Variants in MACROD2 observed in about 807,000 individuals in gnomAD.
The protein encoded by MACROD2 is ADP-ribose glycohydrolase MACROD2.
A neutral mutation model predicts 70.4 loss-of-function variants in MACROD2; 36 were observed. The ratio of observed to expected loss-of-function variants is 0.51; its 90% confidence interval spans 0.39 to 0.68. The LOEUF is 0.68. Ranked by LOEUF, MACROD2 falls within the 30% of genes least tolerant of loss-of-function variation. MACROD2 has a pLI of 0.00. For synonymous variants in MACROD2, 172 were observed against 178.8 expected (o/e 0.96, Z 0.30); for missense variants, 496 against 538.4 (o/e 0.92, Z 0.78).
chr20:15,740,080 C>G (rs1449163216), intron 8 of MACROD2, among the ~76,000 whole-genome samples: 1 of 152,182 alleles, frequency 6.6e-6, no homozygotes, highest in Admixed American at 6.5e-5. Context: ...GGGAGCTCTG[C>G]TGCACACAAT....
rs77589650 is a variant in MACROD2, at chr20:14,746,228, C to T, written c.418+61269C>T. Among the ~76,000 whole-genome samples, 100 of 152,280 alleles carry T rather than the reference C, an allele frequency of 6.6e-4. 1 individual carries two copies. In the East Asian group the frequency reaches 0.018, roughly 28 times the overall value. ...CAACTTTTCACTACCAGGAATTTCC[C>T]TTTACCTCTTGACAGAGGAACTCCT... On this transcript the variant is annotated intron_variant, in intron 5 of 17. Transcript: ENST00000684519.
rs557880270 is a variant in MACROD2, at chr20:14,413,014, G to A, written c.272-80465G>A. ...AGCTCCTAGGAGACTTGAAACCAGTGGCAGAGTCTCAGGCCCTGTGGGATG... is the reference window on the plus strand; with the variant it reads ...AGCTCCTAGGAGACTTGAAACCAGTAGCAGAGTCTCAGGCCCTGTGGGATG... On this transcript the variant is annotated intron_variant, in intron 3 of 17. Coordinates refer to ENST00000684519, the MANE Select transcript of MACROD2 (RefSeq NM_001351661.2). 3.9e-5 allele frequency among the ~76,000 whole-genome samples: 6 copies of A among 152,236 alleles called. No individual in the cohort carries two copies. The South Asian group carries it at 1.2e-3, about 32-fold the overall frequency.
At chr20:15,872,387 T>C (rs2064598836) in intron 9 of MACROD2, among the ~76,000 whole-genome samples, 2 of 152,130 alleles carry the variant, frequency 1.3e-5, no homozygotes, top group East Asian at 1.9e-4. Flanking sequence ...AGGTAGCAAT[T>C]GTCTAATAAT....
chr20:15,541,110 A>G (rs1432534960), intron 8 of MACROD2, among the ~76,000 whole-genome samples: 1 of 152,210 alleles, frequency 6.6e-6, no homozygotes, highest in Non-Finnish European at 1.5e-5. Flanking sequence ...ATACACAAAG[A>G]TAAACCAGTG....
At chr20:14,398,322 C>T (rs961362385) in intron 3 of MACROD2, among the ~76,000 whole-genome samples, 2 of 150,920 alleles carry the variant, frequency 1.3e-5, no homozygotes, top group African/African-American at 4.9e-5. Flanking sequence ...GAGAGATGTC[C>T]ATACTGTTTT....
chr20:14,421,654 A>T (rs1311063062), intron 3 of MACROD2, among the ~76,000 whole-genome samples: 1 of 152,044 alleles, frequency 6.6e-6, no homozygotes, highest in Non-Finnish European at 1.5e-5. Flanking sequence ...GTCATTTATT[A>T]TTTGATCTAC....
intron 3 of MACROD2, among the ~76,000 whole-genome samples, chr20:14,316,876 C>T (rs1042165068): frequency 6.6e-6 from 1 of 152,150 alleles, no homozygotes; most frequent in Non-Finnish European, 1.5e-5. Flanking sequence ...TGAAATCTGA[C>T]AGTCTGATCC....
At chr20:15,310,386 G>T (rs2077739363) in intron 6 of MACROD2, among the ~76,000 whole-genome samples, 1 of 152,078 alleles carries the variant, frequency 6.6e-6, no homozygotes, top group East Asian at 1.9e-4. Context: ...CAACAAATTA[G>T]ATTTGCTTGA....
intron 12 of MACROD2, among the ~76,000 whole-genome samples, chr20:15,940,320 T>A (rs1316585933): frequency 6.6e-6 from 1 of 151,706 alleles, no homozygotes; most frequent in African/African-American, 2.4e-5. Flanking sequence ...GGTTGCGAAA[T>A]CCTGACCTCA....
At chr20:15,430,699 G>A (rs1350506846) in intron 6 of MACROD2, among the ~76,000 whole-genome samples, 1 of 151,540 alleles carries the variant, frequency 6.6e-6, no homozygotes, top group Non-Finnish European at 1.5e-5. Flanking sequence ...TCAAAAAAGG[G>A]GTACATATTA....
intron 11 of MACROD2, among the ~76,000 whole-genome samples, chr20:15,936,609 G>T (rs1263044728): frequency 6.7e-6 from 1 of 148,646 alleles, no homozygotes; most frequent in African/African-American, 2.5e-5. Flanking sequence ...ACACACATTT[G>T]GAATCAAATC....
chr20:16,043,658 C>T (rs891463203), intron 16 of MACROD2, among the ~76,000 whole-genome samples: 1 of 152,010 alleles, frequency 6.6e-6, no homozygotes, highest in Non-Finnish European at 1.5e-5. Context: ...ATCACAACTA[C>T]GGGATCTGGT....
chr20:14,684,257 CAT>C (rs374165288), intron 4 of MACROD2, among the ~76,000 whole-genome samples: 21 of 152,296 alleles, frequency 1.4e-4, no homozygotes, highest in East Asian at 1.4e-3. Context: ...GAAACACAAT[CAT>C]GTGTGTGTCA....
chr20:14,309,712 T>C (rs2082549715), intron 3 of MACROD2, among the ~76,000 whole-genome samples: 1 of 152,174 alleles, frequency 6.6e-6, no homozygotes, highest in Non-Finnish European at 1.5e-5. Context: ...TACCTAATGA[T>C]TTCACTGTAT....
intron 4 of MACROD2, among the ~76,000 whole-genome samples, chr20:14,558,119 C>G (rs1031106820): frequency 1.3e-5 from 2 of 151,686 alleles, no homozygotes; most frequent in Non-Finnish European, 2.9e-5. Context: ...TAAAAGACTA[C>G]ATATTGTATG....
intron 3 of MACROD2, among the ~76,000 whole-genome samples, chr20:14,231,066 G>A (rs1349225578): frequency 6.6e-6 from 1 of 151,228 alleles, no homozygotes; most frequent in Admixed American, 6.6e-5. Flanking sequence ...AAACAAATGT[G>A]CTGTCATCCA....
At chr20:14,684,658 C>A (rs12329495) in intron 4 of MACROD2, among the ~76,000 whole-genome samples, 185 bp from the exon 5 acceptor site, 5 of 146,996 alleles carry the variant, frequency 3.4e-5, no homozygotes, top group African/African-American at 7.4e-5. Context: ...ACCCCCCCCC[C>A]CCGGCCCCCG....
rs374666411 is a variant in MACROD2 at position 15,184,048 on chromosome 20, A to G, written c.419-45892A>G. 1.6e-4 allele frequency among the ~76,000 whole-genome samples: 24 copies of G among 152,288 alleles called. No homozygotes were observed. The East Asian group carries it at 4.6e-3, about 29-fold the overall frequency. ...TATTTAAAGGGATCAGATGCTACTC[A>G]GTCTGAATCATTCCGGATAGCGAAT... On this transcript the variant is annotated intron_variant, in intron 5 of 17. Transcript: ENST00000684519.
chr20:15,913,290 AC>A (rs2147271538), intron 10 of MACROD2, among the ~76,000 whole-genome samples: 1 of 152,300 alleles, frequency 6.6e-6, no homozygotes, highest in African/African-American at 2.4e-5. Flanking sequence ...GCTCTGTCCA[AC>A]AAAATTATGT....
Sources: allele counts gnomAD v4.1 joint callset (sites outside exome capture counted in the v4.1 genomes callset), GRCh38; gene constraint gnomAD v4.1.1; transcripts MANE v1.5; gene names NCBI Gene and HGNC (gene_info 2026-07-23, HGNC 2026-07-21).